NLGN1: variants seen among roughly 807,000 people sequenced by gnomAD.
NLGN1 encodes neuroligin 1.
In NLGN1, 12 loss-of-function variants were observed where a neutral mutation model predicts 65.5. That is an observed-to-expected ratio of 0.18 (90% CI 0.12 to 0.30). The LOEUF (loss-of-function observed/expected upper bound fraction) is 0.30, where lower values mean the gene tolerates loss of function less well. NLGN1 is among the 10% of genes least tolerant of loss of function. The pLI, the probability that NLGN1 is intolerant of heterozygous loss-of-function variation, is 1.00. For synonymous variants in NLGN1, 350 were observed against 359.5 expected, an observed-to-expected ratio of 0.97 and a Z score of 0.30; for missense variants, 750 against 1,007.1, an observed-to-expected ratio of 0.74 and a Z score of 3.46.
chr3:173,426,050 T>C (rs1354199193), intron 1 of NLGN1, among the ~76,000 whole-genome samples: 1 of 152,172 alleles, frequency 6.6e-6, no homozygotes, highest in African/African-American at 2.4e-5. Flanking sequence ...CTCACCTCTT[T>C]GGTGAAATTT....
intron 3 of NLGN1, among the ~76,000 whole-genome samples, chr3:173,629,081 T>A (rs1302312608): frequency 6.6e-6 from 1 of 152,030 alleles, no homozygotes; most frequent in Admixed American, 6.6e-5. Flanking sequence ...TTAGGATGCT[T>A]ATCATCCTTT....
At chr3:173,615,549 G>A (rs1206944036) in intron 3 of NLGN1, among the ~76,000 whole-genome samples, 1 of 152,120 alleles carries the variant, frequency 6.6e-6, no homozygotes, top group East Asian at 1.9e-4. Context: ...AGGTAATGAT[G>A]CTGATATTTG....
chr3:174,041,075 C>T (rs1221819079), intron 4 of NLGN1, among the ~76,000 whole-genome samples: 3 of 151,976 alleles, frequency 2.0e-5, no homozygotes, highest in Non-Finnish European at 4.4e-5. Context: ...TACAAACATA[C>T]CTGTGTAAGC....
chr3:173,999,603 A>G (rs1303665848), intron 4 of NLGN1, among the ~76,000 whole-genome samples: 6 of 152,146 alleles, frequency 3.9e-5, no homozygotes, highest in Middle Eastern at 3.2e-3. Context: ...TCCAACCACC[A>G]CTTCATTTTT....
intron 2 of NLGN1, among the ~76,000 whole-genome samples, chr3:173,529,158 T>C (rs746893901): frequency 2.6e-5 from 4 of 152,224 alleles, no homozygotes; most frequent in Admixed American, 6.5e-5. Flanking sequence ...GATGTGACTG[T>C]ACAGTATGTT....
intron 3 of NLGN1, among the ~76,000 whole-genome samples, chr3:173,770,796 C>T (rs1028363041): frequency 1.1e-4 from 16 of 151,978 alleles, no homozygotes; most frequent in Non-Finnish European, 1.0e-4. Context: ...GAATAAGATA[C>T]TGCATGTGAT....
At chr3:174,200,508 GAC>G (rs1734238036) in intron 4 of NLGN1, among the ~76,000 whole-genome samples, 1 of 152,166 alleles carries the variant, frequency 6.6e-6, no homozygotes, top group Non-Finnish European at 1.5e-5. Flanking sequence ...AGATTCATCA[GAC>G]ACAGATTGTT....
chr3:173,775,276 A>AT (rs1165025260), intron 3 of NLGN1, among the ~76,000 whole-genome samples: 2 of 152,136 alleles, frequency 1.3e-5, no homozygotes, highest in Admixed American at 1.3e-4. Flanking sequence ...AATTTAAATT[A>AT]TTTTATGACT....
intron 2 of NLGN1, among the ~76,000 whole-genome samples, chr3:173,564,366 C>T (rs1388594724): frequency 6.6e-6 from 1 of 152,192 alleles, no homozygotes. Flanking sequence ...TTAAGTAAAA[C>T]CATCCTACTG....
intron 2 of NLGN1, among the ~76,000 whole-genome samples, chr3:173,593,197 T>C (rs1320328489): frequency 6.6e-6 from 1 of 152,232 alleles, no homozygotes; most frequent in Non-Finnish European, 1.5e-5. Flanking sequence ...TTAAAGTCTA[T>C]CTTCCCCCAT....
chr3:174,293,558 T>C, the NLGN1 span, among the ~76,000 whole-genome samples: 8 of 151,532 alleles, frequency 5.3e-5, no homozygotes, highest in Non-Finnish European at 8.9e-5. Context: ...CAAAAGGAAT[T>C]CTCAACGTCA....
chr3:173,539,180 G>A (rs1453623395), intron 2 of NLGN1, among the ~76,000 whole-genome samples: 2 of 151,828 alleles, frequency 1.3e-5, no homozygotes, highest in Admixed American at 6.6e-5. Context: ...CCTGCTTATT[G>A]TGCAGACCAT....
intron 3 of NLGN1, among the ~76,000 whole-genome samples, chr3:173,776,552 A>T (rs754056162): frequency 1.3e-5 from 2 of 152,026 alleles, no homozygotes; most frequent in Non-Finnish European, 2.9e-5. Flanking sequence ...CTTCAGGAAT[A>T]TGTGTGGGAA....
chr3:173,620,730 T>G (rs1344650611), intron 3 of NLGN1, among the ~76,000 whole-genome samples: 1 of 152,026 alleles, frequency 6.6e-6, no homozygotes, highest in Non-Finnish European at 1.5e-5. Context: ...TATGTCAGAA[T>G]GAGACAGAGA....
rs1420611040 is a variant in NLGN1 at position 173,913,568 on chromosome 3, G to T, written c.646+105736G>T. Among the ~76,000 whole-genome samples the T allele has an allele frequency of 2.6e-5, 4 of 152,142 alleles. 1 individual carries two copies. The highest frequency in any genetic ancestry group is 7.2e-5 in the African/African-American group (3 of 41,450). On this transcript the variant is annotated intron_variant, in intron 4 of 6. Transcript: ENST00000457714. ...GGCATTGACAGGGGCAGCTGGGTAA[G>T]TCTCTCAGTGAATGCTGACATGCTT...
At chr3:174,088,805 T>TAAATAAATAAATAAAA (rs1415767233) in intron 4 of NLGN1, among the ~76,000 whole-genome samples, 3 of 144,100 alleles carry the variant, frequency 2.1e-5, no homozygotes, top group African/African-American at 7.8e-5. Flanking sequence ...AATAAATAAA[T>TAAATAAATAAATAAAA]AAAACTAGAT....
intron 3 of NLGN1, among the ~76,000 whole-genome samples, chr3:173,615,325 A>G (rs1374413727): frequency 6.6e-6 from 1 of 152,072 alleles, no homozygotes; most frequent in East Asian, 1.9e-4. Flanking sequence ...GCCATGGCCT[A>G]CTATGGACAA....
intron 2 of NLGN1, among the ~76,000 whole-genome samples, chr3:173,458,337 G>A (rs912794940): frequency 4.6e-5 from 7 of 152,030 alleles, no homozygotes; most frequent in Admixed American, 3.9e-4. Flanking sequence ...TAGAAAGAGG[G>A]AGGGATCACT....
intron 3 of NLGN1, among the ~76,000 whole-genome samples, chr3:173,804,970 G>A (rs868794282): frequency 9.8e-5 from 15 of 152,294 alleles, no homozygotes; most frequent in African/African-American, 3.6e-4. Context: ...AGGTTGCAAT[G>A]AGTTGAGATC....
Sources: allele counts gnomAD v4.1 joint callset (sites outside exome capture counted in the v4.1 genomes callset), GRCh38; gene constraint gnomAD v4.1.1; transcripts MANE v1.5; gene names NCBI Gene and HGNC (gene_info 2026-07-23, HGNC 2026-07-21).